Variants in MMP8 observed in about 807,000 individuals in gnomAD.
The protein encoded by MMP8 is neutrophil collagenase.
MMP8 carries 67 observed loss-of-function variants against 51.2 expected under a neutral mutation model. The ratio of observed to expected loss-of-function variants is 1.31; its 90% CI spans 1.08 to 1.60. MMP8 has a LOEUF of 1.60. Ranked by LOEUF, MMP8 falls within the 40% of genes most tolerant of loss-of-function variation. MMP8 has a pLI of 0.00. For missense variants in MMP8, 654 were observed against 558.1 expected (o/e 1.17, Z -1.73); for synonymous variants, 225 against 191.0 (o/e 1.18, Z -1.47).
At chr11:102,713,539 C>T (rs191607284) in intron 9 of MMP8, 82 bp from the exon 10 acceptor site, 255 of 1,211,390 alleles carry the variant, frequency 2.1e-4, no homozygotes, top group Admixed American at 8.7e-4. Flanking sequence ...TGCCCCTGTT[C>T]CAACATAACA....
intron 5 of MMP8, among the ~76,000 whole-genome samples, chr11:102,718,064 G>A (rs550808878): frequency 1.8e-4 from 27 of 151,840 alleles, no homozygotes; most frequent in East Asian, 9.7e-4. Context: ...CCAAGATCGC[G>A]TCACTGCACT....
At chr11:102,713,925 T>G (rs1023917384) in intron 8 of MMP8, 68 bp from the exon 9 acceptor site, 6 of 1,104,852 alleles carry the variant, frequency 5.4e-6, no homozygotes, top group Non-Finnish European at 7.8e-6. Context: ...TTTTTTTTAT[T>G]GTATATAATT....
chr11:102,716,799 A>C (rs756240500), intron 5 of MMP8, among the ~76,000 whole-genome samples: 4 of 152,174 alleles, frequency 2.6e-5, no homozygotes, highest in Admixed American at 6.5e-5. Context: ...TTCAGGAAAG[A>C]ATGATATTAG....
chr11:102,721,058 A>G (rs1861453369), intron 4 of MMP8, among the ~76,000 whole-genome samples: 1 of 152,210 alleles, frequency 6.6e-6, no homozygotes, highest in African/African-American at 2.4e-5. Context: ...TTGTAGAGTG[A>G]AAGCAGCCAT....
chr11:102,718,625 G>A, intron 4 of MMP8, 50 bp from the exon 5 acceptor site: 2 of 1,605,108 alleles, frequency 1.2e-6, no homozygotes, highest in Non-Finnish European at 1.7e-6. Context: ...TCCCAGGGTG[G>A]CAGAAACATG....
chr11:102,715,261 C>T, intron 7 of MMP8, 43 bp downstream of exon 7: 1 of 1,578,462 alleles, frequency 6.3e-7, no homozygotes, highest in South Asian at 1.2e-5. Context: ...TGCCCCCTCC[C>T]TTCAGGCAGA....
chr11:102,716,859 CT>C (rs1374898016), intron 5 of MMP8, among the ~76,000 whole-genome samples: 1 of 152,030 alleles, frequency 6.6e-6, no homozygotes, highest in Non-Finnish European at 1.5e-5. Context: ...AATATTTTTT[CT>C]ATAAGTATTT....
Position 102,721,492 on chromosome 11 carries a change from A to T in MMP8, c.531T>A (p.Asn177Lys). ...HGDNSPFDGP[N>K]GILAHAFQPG... ...GCTGAAAGGCATGAGCAAGGATTCC[A>T]TTGGGTCCATCAAATGGAGAATTGT... is the stretch of plus-strand genomic sequence containing the variant. The change falls in exon 4 of 10, where the codon AAT (asparagine) becomes AAA (lysine). Residue 177 changes from asparagine to lysine, a missense_variant. Physicochemically the swap from Asn to Lys is moderately conservative, Grantham distance 94. Transcript: ENST00000236826. 1 of 1,613,892 alleles carries T rather than the reference A, an allele frequency of 6.2e-7. No homozygotes were observed. Among genetic ancestry groups the T allele is most frequent in the Non-Finnish European group, 8.5e-7 (1 of 1,179,850 alleles).
chr11:102,713,175 A>G lies in MMP8; in HGVS notation c.*173T>C, dbSNP rs1861174849. 3.5e-6 allele frequency: 2 copies of G among 568,686 alleles called. No individual in the cohort carries two copies. Among genetic ancestry groups the G allele is most frequent in the Non-Finnish European group, 6.3e-6 (2 of 319,062 alleles). The allele number at this position is 568,686 out of a possible 1,614,324, so 35.2% of individuals were successfully genotyped here. A position where few individuals can be genotyped will look rare whatever the true frequency, so the allele number is the denominator to read the frequency against. ...TGTAAGAACTGAATAAGCCTCTGCAAATAGTGGAATATTCCAAACATATTT... is the reference window on the plus strand; with the variant it reads ...TGTAAGAACTGAATAAGCCTCTGCAGATAGTGGAATATTCCAAACATATTT... On this transcript the variant is annotated 3_prime_UTR_variant, in exon 10 of 10. Transcript: ENST00000236826.
At chr11:102,720,017 G>A (rs1861421902) in intron 4 of MMP8, among the ~76,000 whole-genome samples, 1 of 152,190 alleles carries the variant, frequency 6.6e-6, no homozygotes, top group South Asian at 2.1e-4. Context: ...TCAGGGAGAG[G>A]AAGCAATTCA....
chr11:102,721,907 G>T, intron 2 of MMP8, 145 bp from the exon 3 acceptor site: 2 of 885,948 alleles, frequency 2.3e-6, no homozygotes, highest in South Asian at 1.8e-5. Context: ...TCTCAGGGTG[G>T]AGGACAGATG....
intron 3 of MMP8, 31 bp from the exon 4 acceptor site, chr11:102,721,557 G>A (rs745840777): frequency 1.2e-6 from 2 of 1,613,320 alleles, no homozygotes; most frequent in African/African-American, 2.7e-5. Flanking sequence ...TTAGATCCTT[G>A]CCAAGTTTCA....
At chr11:102,718,608 G>T in intron 4 of MMP8, 33 bp from the exon 5 acceptor site, 5 of 1,612,748 alleles carry the variant, frequency 3.1e-6, no homozygotes, top group Non-Finnish European at 4.2e-6. Context: ...AAACAGCTCA[G>T]TGTGGATCCC....
chr11:102,713,985 G>C (rs1287039576), intron 8 of MMP8, 128 bp from the exon 9 acceptor site: 1 of 558,908 alleles, frequency 1.8e-6, no homozygotes, highest in African/African-American at 2.0e-5. Context: ...ACAATGCCCT[G>C]TTTACTAGGA....
chr11:102,718,574 A>C lies in MMP8; in HGVS notation c.624T>G (p.Asn208Lys). ...AEETWTNTSA[N>K]YNLFLVAAHE... ...GAGCAGCAACAAGAAACAAGTTGTA[A>C]TCTGAAATGCAAACACGGGTGGTAA... The change falls in exon 5 of 10, where the codon AAT (asparagine) becomes AAG (lysine). Residue 208 changes from asparagine (N) to lysine (K), a missense_variant and splice_region_variant. Coordinates refer to ENST00000236826, the MANE Select transcript of MMP8 (RefSeq NM_002424.3). 6.2e-7 allele frequency: 1 copy of C among 1,613,862 alleles called. No homozygotes were observed. Among genetic ancestry groups the C allele is most frequent in the African/African-American group, 1.3e-5 (1 of 75,030 alleles).
rs1861180176 is a variant in MMP8, at chr11:102,713,346, C to T, written c.*2G>A. On this transcript the variant is annotated 3_prime_UTR_variant, in exon 10 of 10. Coordinates refer to ENST00000236826, the MANE Select transcript of MMP8 (RefSeq NM_002424.3). ...GTGGATACAGCCACATTTGATTTTG[C>T]TTCAGCCATATCTACAGTTAAGCCA... is the stretch of plus-strand genomic sequence containing the variant. 5 of 1,604,896 alleles carry T rather than the reference C, an allele frequency of 3.1e-6. No individual in the cohort carries two copies. Among genetic ancestry groups the T allele is most frequent in the Non-Finnish European group, 4.3e-6 (5 of 1,172,310 alleles).
intron 5 of MMP8, among the ~76,000 whole-genome samples, chr11:102,716,942 A>T (rs375397072): frequency 3.0e-4 from 46 of 152,348 alleles, no homozygotes; most frequent in African/African-American, 1.0e-3. Flanking sequence ...ATTGGTGAAC[A>T]AAATAAAGGG....
intron 4 of MMP8, among the ~76,000 whole-genome samples, chr11:102,721,090 A>C (rs938130518): frequency 9.8e-5 from 15 of 152,310 alleles, no homozygotes; most frequent in Non-Finnish European, 1.9e-4. Context: ...AAACAAATAA[A>C]TGTGGCCCTG....
In MMP8 at chr11:102,711,833, A is replaced by G. The variant is rs1361704292; in HGVS notation, c.*1515T>C. On this transcript the variant is annotated 3_prime_UTR_variant, in exon 10 of 10. Transcript: ENST00000236826. ...AAAATCTTTAATTTGAACTTATTTA[A>G]TAGATTATTTTAATTTTTGAACAAG... 2 of 152,148 alleles carry G rather than the reference A, an allele frequency of 1.3e-5. No individual in the cohort carries two copies. The highest frequency in any genetic ancestry group is 2.4e-5 in the African/African-American group (1 of 41,446). The allele number at this position is 152,148 out of a possible 1,614,324, so 9.4% of individuals were successfully genotyped here. A position where few individuals can be genotyped will look rare whatever the true frequency, so the allele number is the denominator to read the frequency against.
Sources: gnomAD v4.1 joint callset for allele counts (sites outside exome capture counted in the v4.1 genomes callset) on GRCh38, gnomAD v4.1.1 for gene constraint, MANE v1.5 for transcripts, NCBI Gene and HGNC (gene_info 2026-07-23, HGNC 2026-07-21) for gene names.